FANCA: variants seen among roughly 807,000 people sequenced by gnomAD.
FANCA encodes the protein FA complementation group A.
Under a neutral mutation model 194.3 loss-of-function variants are expected in FANCA, and 236 were observed. The ratio of observed to expected loss-of-function variants is 1.21; its 90% CI spans 1.09 to 1.35. The LOEUF is 1.35. FANCA is among the 40% of genes most tolerant of loss of function. The pLI is 0.00. For synonymous variants in FANCA, 1,014 were observed against 715.8 expected (o/e 1.42, Z -6.65); for missense variants, 2,628 against 1,813.9 (o/e 1.45, Z -8.15).
rs1324529383 is a variant in FANCA at position 89,739,550 on chromosome 16, A to G, written c.3938T>C (p.Leu1313Pro). 1 of 1,551,108 alleles carries G rather than the reference A, an allele frequency of 6.4e-7. No homozygotes were observed. Among genetic ancestry groups the G allele is most frequent in the Non-Finnish European group, 8.7e-7 (1 of 1,147,022 alleles). The change falls in exon 40 of 43, where the codon CTC becomes CCC. Residue 1313 changes from leucine (L) to proline (P), a missense_variant. Transcript: ENST00000389301. ...ACGGAGGAGGAGCCGCCCCAGCCTGAGGTCTGCAACACCAAGAAGTGGCTC... is the reference window on the plus strand; with the variant it reads ...ACGGAGGAGGAGCCGCCCCAGCCTGGGGTCTGCAACACCAAGAAGTGGCTC... ...LALFQLTESDLRLGRLLLRVA... is the reference protein window; with the variant it reads ...LALFQLTESDPRLGRLLLRVA...
Position 89,737,810 on chromosome 16 carries a change from G to T in FANCA, c.*791C>A. 6.2e-7 allele frequency: 1 copy of T among 1,614,184 alleles called. No individual in the cohort carries two copies. Reference sequence around the variant, plus strand: ...CACTGGACTCTCCCCTCTCAGAGGTGCGGAACTATATCTGTGACGAATGTG... The same window carrying T: ...CACTGGACTCTCCCCTCTCAGAGGTTCGGAACTATATCTGTGACGAATGTG... On this transcript the variant is annotated 3_prime_UTR_variant, in exon 43 of 43. Transcript: ENST00000389301.
At chr16:89,789,886 C>T (rs906403536) in intron 14 of FANCA, among the ~76,000 whole-genome samples, 3 of 152,102 alleles carry the variant, frequency 2.0e-5, no homozygotes, top group African/African-American at 7.2e-5. Context: ...AGGGGTTGCC[C>T]AGGGATCCCT....
intron 10 of FANCA, among the ~76,000 whole-genome samples, chr16:89,797,465 C>A (rs866424181): frequency 3.3e-5 from 5 of 152,312 alleles, no homozygotes; most frequent in African/African-American, 1.2e-4. Flanking sequence ...TGTGGGACAT[C>A]GTGGAGATTC....
At position 89,748,543 on chromosome 16, in the gene FANCA, T is replaced by G. The variant is rs1049567813; in HGVS notation, c.3348+116A>C. 9.3e-6 allele frequency: 8 copies of G among 860,370 alleles called. No homozygotes were observed. The East Asian group carries it at 2.1e-4, about 23-fold the overall frequency. 53.3% of individuals were successfully genotyped at this position (860,370 alleles called of 1,614,324 possible). ...TCCAGACACTGTTCCCTATTTGACTTTGAACCCTTTCCTCAGTAATTCACA... is the reference window on the plus strand; with the variant it reads ...TCCAGACACTGTTCCCTATTTGACTGTGAACCCTTTCCTCAGTAATTCACA... On this transcript the variant is annotated intron_variant, in intron 33 of 42. Transcript: ENST00000389301.
chr16:89,792,002 C>A lies in FANCA; in HGVS notation c.1150G>T (p.Val384Phe), dbSNP rs751071791. 50 of 1,614,058 alleles carry A rather than the reference C, an allele frequency of 3.1e-5. No homozygotes were observed. Among genetic ancestry groups the A allele is most frequent in the Non-Finnish European group, 4.2e-5 (49 of 1,180,022 alleles). ...HLQEVLETQE[V>F]HWQRVLSFVS... ...AAGGAGAGCACTCTCTGCCAGTGAA[C>A]CTCCTGCGTTTCCAGAACTTCTTGC... The change falls in exon 13 of 43, where the codon GTT becomes TTT. Residue 384 changes from valine to phenylalanine, a missense_variant. Transcript: ENST00000389301.
At chr16:89,739,045 C>T in intron 41 of FANCA, 71 bp from the exon 42 acceptor site, 1 of 1,614,072 alleles carries the variant, frequency 6.2e-7, no homozygotes. Flanking sequence ...CCCCCATAGT[C>T]TGCATGCTGT....
chr16:89,790,337 T>A (rs2040026751), intron 14 of FANCA, among the ~76,000 whole-genome samples: 1 of 151,568 alleles, frequency 6.6e-6, no homozygotes, highest in African/African-American at 2.4e-5. Context: ...GAGGTTGCAG[T>A]GAGCCGAGGT....
rs377180908 is a variant in FANCA, at chr16:89,746,909, C to A, written c.3349-19G>T. 31 of 1,552,002 alleles carry A rather than the reference C, an allele frequency of 2.0e-5. No individual in the cohort carries two copies. In the Admixed American group the frequency reaches 2.1e-4, roughly 11 times the overall value. Reference sequence around the variant, plus strand: ...AGTTTCTCTGCAAAAGAGTTCAAGGCAGGTAAGAAAAGCCCACAGGAAGAG... The same window carrying A: ...AGTTTCTCTGCAAAAGAGTTCAAGGAAGGTAAGAAAAGCCCACAGGAAGAG... On this transcript the variant is annotated intron_variant, in intron 33 of 42. Transcript: ENST00000389301.
At chr16:89,784,585 C>T (rs551234696) in intron 15 of FANCA, among the ~76,000 whole-genome samples, 3 of 152,284 alleles carry the variant, frequency 2.0e-5, no homozygotes, top group East Asian at 1.9e-4. Flanking sequence ...ATCTACCCAC[C>T]TCCTTGGCCT....
At chr16:89,793,642 G>C (rs1051090030) in intron 11 of FANCA, among the ~76,000 whole-genome samples, 2 of 152,160 alleles carry the variant, frequency 1.3e-5, no homozygotes, top group Non-Finnish European at 2.9e-5. Context: ...ACCCAGGCTG[G>C]AGTGCAGTGC....
At chr16:89,786,755 G>T (rs1350619688) in intron 14 of FANCA, among the ~76,000 whole-genome samples, 1 of 152,204 alleles carries the variant, frequency 6.6e-6, no homozygotes, top group Admixed American at 6.5e-5. Flanking sequence ...TCAGAGACAT[G>T]AACTGTCTGT....
rs8058895 is a variant in FANCA at position 89,748,399 on chromosome 16, T to C, written c.3348+260A>G. ...GTCTGTACGATTCCATGTGTCAAAATCATTAAAACTTGAGGGAAACTAAAG... is the reference window on the plus strand; with the variant it reads ...GTCTGTACGATTCCATGTGTCAAAACCATTAAAACTTGAGGGAAACTAAAG... On this transcript the variant is annotated intron_variant, in intron 33 of 42. Coordinates refer to ENST00000389301, the MANE Select transcript of FANCA (RefSeq NM_000135.4). Among the ~76,000 whole-genome samples, 18,695 of 152,220 alleles carry C rather than the reference T, an allele frequency of 0.12. 1,481 individuals carry two copies. The highest frequency in any genetic ancestry group is 0.32 in the Middle Eastern group (94 of 294).
chr16:89,753,783 G>A (rs1188892953), intron 30 of FANCA, among the ~76,000 whole-genome samples: 3 of 152,140 alleles, frequency 2.0e-5, no homozygotes, highest in Non-Finnish European at 2.9e-5. Flanking sequence ...GGACAGACAC[G>A]GTGGCTCACG....
chr16:89,816,095 G>T lies in FANCA; in HGVS notation c.80-109C>A, dbSNP rs1168863928. 4 of 814,034 alleles carry T rather than the reference G, an allele frequency of 4.9e-6. No homozygotes were observed. In the East Asian group the frequency reaches 7.7e-5, roughly 16 times the overall value. 50.4% of individuals were successfully genotyped at this position (814,034 alleles called of 1,614,324 possible). On this transcript the variant is annotated intron_variant, in intron 1 of 42. Coordinates refer to ENST00000389301, the MANE Select transcript of FANCA (RefSeq NM_000135.4). The stretch of plus-strand genomic sequence containing the variant: ...AGAAACCCACCAGCGACACCCTCCC[G>T]AAGAGGGGCCGGGGCTCCTCCCCAG...
At position 89,773,387 on chromosome 16, in the gene FANCA, G is replaced by A. The variant is rs17226526; in HGVS notation, c.1901-3C>T. On this transcript the variant is annotated splice_polypyrimidine_tract_variant and splice_region_variant and intron_variant, in intron 21 of 42. Coordinates refer to ENST00000389301, the MANE Select transcript of FANCA (RefSeq NM_000135.4). ...TGCCCTCACTCCCAGGGCTGCATCT[G>A]TGAGAAGAAGGAAGAAACCAGATGG... is the stretch of plus-strand genomic sequence containing the variant. The A allele has an allele frequency of 2.6e-6, 4 of 1,546,806 alleles. No homozygotes were observed. The Admixed American group carries it at 7.8e-5, about 30-fold the overall frequency.
intron 18 of FANCA, among the ~76,000 whole-genome samples, chr16:89,779,384 A>T (rs1409970923): frequency 6.6e-6 from 1 of 152,128 alleles, no homozygotes; most frequent in Non-Finnish European, 1.5e-5. Context: ...TTTTGAGATC[A>T]TACCAAATTC....
Position 89,792,527 on chromosome 16 carries a change from G to A in FANCA, c.1027C>T (p.Gln343Ter), listed in dbSNP as rs755018069. The change falls in exon 12 of 43, where the codon CAG (glutamine) becomes TAG (stop). Residue 343 changes from glutamine to a stop codon, truncating the protein, a stop_gained. Coordinates refer to ENST00000389301, the MANE Select transcript of FANCA (RefSeq NM_000135.4). LOFTEE classifies it high-confidence loss of function. ...GTCCGCGCAAAGCTCCACTCTCTCT[G>A]CATCTGAACAGCATCAGATGCTGCA... ...VLKASDAVQMQREWSFARTHP... is the reference protein window; with the variant it reads ...VLKASDAVQM 5 of 1,613,270 alleles carry A rather than the reference G, an allele frequency of 3.1e-6. No homozygotes were observed. Among genetic ancestry groups the A allele is most frequent in the Non-Finnish European group, 3.4e-6 (4 of 1,179,960 alleles).
At chr16:89,772,952 G>A (rs971947170) in intron 22 of FANCA, among the ~76,000 whole-genome samples, 6 of 152,140 alleles carry the variant, frequency 3.9e-5, no homozygotes, top group African/African-American at 1.4e-4. Context: ...ATGTGACATC[G>A]ACTCCGGCAG....
intron 5 of FANCA, among the ~76,000 whole-genome samples, chr16:89,809,957 C>T (rs778543371): frequency 9.9e-5 from 15 of 151,960 alleles, no homozygotes; most frequent in Non-Finnish European, 1.9e-4. Flanking sequence ...ACCTGGGAGG[C>T]AGACGTTGCA....
Sources: gnomAD v4.1 joint callset for allele counts (sites outside exome capture counted in the v4.1 genomes callset) on GRCh38, gnomAD v4.1.1 for gene constraint, MANE v1.5 for transcripts, NCBI Gene and HGNC (gene_info 2026-07-23, HGNC 2026-07-21) for gene names.